Variants in MYO3A observed in about 807,000 individuals in gnomAD.
MYO3A encodes myosin IIIA.
Under a neutral mutation model 192.7 loss-of-function variants are expected in MYO3A, and 180 were observed. That is an observed-to-expected ratio of 0.93 (90% CI 0.83 to 1.06). The LOEUF (loss-of-function observed/expected upper bound fraction) is 1.06. Among genes scored for constraint, MYO3A ranks in the 50% least tolerant of loss-of-function variants. MYO3A has a pLI of 0.00. For missense variants in MYO3A, 1,896 were observed against 1,905.0 expected, an observed-to-expected ratio of 1.00 and a Z score of 0.09; for synonymous variants, 628 against 645.3, an observed-to-expected ratio of 0.97 and a Z score of 0.41.
chr10:25,943,119 A>G (rs1479494037), intron 2 of MYO3A, among the ~76,000 whole-genome samples: 1 of 151,900 alleles, frequency 6.6e-6, no homozygotes, highest in East Asian at 1.9e-4. Flanking sequence ...GTTAATTTTT[A>G]TATATGATCT....
At chr10:26,172,973 A>G (rs960150853) in intron 29 of MYO3A, among the ~76,000 whole-genome samples, 4 of 152,138 alleles carry the variant, frequency 2.6e-5, no homozygotes, top group Non-Finnish European at 5.9e-5. Context: ...TAGCATATCA[A>G]GGTGTCATGG....
At chr10:26,086,418 C>T (rs950993593) in intron 14 of MYO3A, among the ~76,000 whole-genome samples, 1 of 152,160 alleles carries the variant, frequency 6.6e-6, no homozygotes, top group Non-Finnish European at 1.5e-5. Flanking sequence ...CAAACCATAT[C>T]AGAGGGAGAG....
intron 7 of MYO3A, among the ~76,000 whole-genome samples, chr10:26,019,447 A>G (rs1004474338): frequency 4.6e-5 from 7 of 151,710 alleles, no homozygotes; most frequent in Non-Finnish European, 8.8e-5. Context: ...TTTAGTAGAG[A>G]CTGGAACTAC....
chr10:25,962,738 C>T (rs533360123), intron 4 of MYO3A, among the ~76,000 whole-genome samples: 2 of 152,200 alleles, frequency 1.3e-5, no homozygotes, highest in South Asian at 4.2e-4. Context: ...GATGAGGACT[C>T]GGGTAGGATT....
chr10:26,021,581 G>A lies in MYO3A; in HGVS notation c.664G>A (p.Glu222Lys), dbSNP rs1312543154. 6.2e-7 allele frequency: 1 copy of A among 1,613,996 alleles called. No individual in the cohort carries two copies. Among genetic ancestry groups the A allele is most frequent in the African/African-American group, 1.3e-5 (1 of 74,916 alleles). ...TTGGTCCCTGGGTATCACGGCCATT[G>A]AGCTGGGTGATGGAGATCCTCCACT... is the stretch of plus-strand genomic sequence containing the variant. ...DTWSLGITAI[E>K]LGDGDPPLAD... Residue 222 changes from glutamate to lysine, a missense_variant, in exon 8 of 35, where the codon GAG becomes AAG. Glu to Lys is a moderately conservative substitution (Grantham distance 56). Coordinates refer to ENST00000642920, the MANE Select transcript of MYO3A (RefSeq NM_017433.5).
In MYO3A at chr10:26,070,192, A is replaced by G; in HGVS notation, c.1252A>G (p.Met418Val). ...AATGGCTGACTTAGGATATCAATCT[A>G]TGATAACATATAATTCAGATCAGGT... ...FAMADLGYQS[M>V]ITYNSDQCIV... The change falls in exon 13 of 35, where the codon ATG (methionine) becomes GTG (valine). Residue 418 changes from methionine to valine, a missense_variant. By Grantham distance (21) the Met-to-Val change is conservative. Coordinates refer to ENST00000642920, the MANE Select transcript of MYO3A (RefSeq NM_017433.5). 1.9e-6 allele frequency: 3 copies of G among 1,610,610 alleles called. No individual in the cohort carries two copies. The highest frequency in any genetic ancestry group is 1.7e-5 in the Admixed American group (1 of 60,014).
At chr10:25,981,560 G>C (rs1221987523) in intron 4 of MYO3A, among the ~76,000 whole-genome samples, 1 of 152,100 alleles carries the variant, frequency 6.6e-6, no homozygotes, top group African/African-American at 2.4e-5. Flanking sequence ...CTTATATCCA[G>C]AATATATAAA....
intron 14 of MYO3A, among the ~76,000 whole-genome samples, chr10:26,075,657 C>CATAT (rs111823689): frequency 2.8e-5 from 4 of 140,822 alleles, no homozygotes; most frequent in Admixed American, 1.4e-4. Context: ...ATATGTCTCT[C>CATAT]ATATATATAT....
At chr10:26,116,674 C>A (rs1187171552) in intron 17 of MYO3A, among the ~76,000 whole-genome samples, 1 of 152,150 alleles carries the variant, frequency 6.6e-6, no homozygotes, top group South Asian at 2.1e-4. Flanking sequence ...GGGGACAAAG[C>A]ATTTTGAGAC....
chr10:26,196,979 A>G (rs1053067349), intron 32 of MYO3A, among the ~76,000 whole-genome samples: 19 of 152,220 alleles, frequency 1.2e-4, no homozygotes, highest in Admixed American at 2.6e-4. Flanking sequence ...GAAATATACA[A>G]TAGAGTACTG....
At chr10:26,101,974 T>G (rs1286043329) in intron 17 of MYO3A, among the ~76,000 whole-genome samples, 2 of 152,210 alleles carry the variant, frequency 1.3e-5, no homozygotes. Context: ...TTCTCCTGGA[T>G]AATATCCTAA....
intron 4 of MYO3A, among the ~76,000 whole-genome samples, chr10:25,959,004 G>A (rs1837741346): frequency 6.6e-6 from 1 of 152,022 alleles, no homozygotes; most frequent in African/African-American, 2.4e-5. Flanking sequence ...AGTGATTTTT[G>A]TACGTAGATT....
Position 26,182,093 on chromosome 10 carries a change from TAAC to T in MYO3A, c.4438+5254_4438+5256del, listed in dbSNP as rs925910671. ...TCTTCACATACGCGAGGTGGTTCAT[TAAC>T]AACAAGAGCCCCTAAGTCTAGGGTT... On this transcript the variant is annotated intron_variant, in intron 31 of 34. Transcript: ENST00000642920. 2.2e-4 allele frequency among the ~76,000 whole-genome samples: 33 copies of T among 152,318 alleles called. 1 individual carries two copies. The highest frequency in any genetic ancestry group is 7.5e-4 in the African/African-American group (31 of 41,558).
intron 2 of MYO3A, among the ~76,000 whole-genome samples, chr10:25,941,702 A>G (rs1349755369): frequency 6.6e-6 from 1 of 152,188 alleles, no homozygotes; most frequent in Admixed American, 6.5e-5. Flanking sequence ...CTTTAACACC[A>G]TCCATCTCCA....
chr10:25,946,846 C>G (rs576848122), intron 2 of MYO3A, among the ~76,000 whole-genome samples: 2 of 124,222 alleles, frequency 1.6e-5, no homozygotes, highest in East Asian at 2.3e-4. Flanking sequence ...CGACTGCACT[C>G]TGGCCTGGGT....
chr10:26,044,887 T>A (rs1439311901), intron 10 of MYO3A, among the ~76,000 whole-genome samples: 2 of 152,148 alleles, frequency 1.3e-5, no homozygotes, highest in African/African-American at 2.4e-5. Flanking sequence ...ATATAACACA[T>A]AACAAACAGA....
intron 10 of MYO3A, among the ~76,000 whole-genome samples, chr10:26,031,734 G>A (rs1485548051): frequency 6.6e-6 from 1 of 152,238 alleles, no homozygotes; most frequent in Non-Finnish European, 1.5e-5. Context: ...CTGGGCTCAA[G>A]TGATCCTCCT....
chr10:26,017,284 C>G (rs1842034405), intron 7 of MYO3A, among the ~76,000 whole-genome samples: 1 of 152,150 alleles, frequency 6.6e-6, no homozygotes, highest in South Asian at 2.1e-4. Flanking sequence ...GGTCCATTAA[C>G]CCATATGGCA....
At chr10:26,147,955 A>G (rs1840571597) in intron 23 of MYO3A, among the ~76,000 whole-genome samples, 1 of 152,150 alleles carries the variant, frequency 6.6e-6, no homozygotes. Context: ...GTTCCACCCA[A>G]CCATAATACA....
Sources: gnomAD v4.1 joint callset for allele counts (sites outside exome capture counted in the v4.1 genomes callset) on GRCh38, gnomAD v4.1.1 for gene constraint, MANE v1.5 for transcripts, NCBI Gene and HGNC (gene_info 2026-07-23, HGNC 2026-07-21) for gene names.